Variants in HLCS observed in about 807,000 individuals in gnomAD.
HLCS encodes biotin--protein ligase.
A neutral mutation model predicts 75.0 loss-of-function variants in HLCS; 53 were observed. The observed-to-expected ratio is 0.71, with a 90% CI of 0.57 to 0.89. The LOEUF (loss-of-function observed/expected upper bound fraction) is 0.89. HLCS is among the 40% of genes least tolerant of loss of function. The pLI, the probability that HLCS is intolerant of heterozygous loss-of-function variation, is 0.00. For synonymous variants in HLCS, 431 were observed against 428.6 expected, an observed-to-expected ratio of 1.01 and a Z score of -0.07; for missense variants, 966 against 1,074.0, an observed-to-expected ratio of 0.90 and a Z score of 1.41.
At chr21:36,963,885 A>T (rs556778045) in intron 1 of HLCS, among the ~76,000 whole-genome samples, 1 of 152,378 alleles carries the variant, frequency 6.6e-6, no homozygotes, top group African/African-American at 2.4e-5. Flanking sequence ...TCAATTATAA[A>T]CACACATATT....
Position 36,936,821 on chromosome 21 carries a change from G to A in HLCS, c.1065C>T (p.Asp355=), listed in dbSNP as rs143358508. The A allele has an allele frequency of 2.5e-6, 4 of 1,614,050 alleles. No homozygotes were observed. Among genetic ancestry groups the A allele is most frequent in the East Asian group, 2.2e-5 (1 of 44,898 alleles). Reference sequence around the variant, plus strand: ...ACAGCAGACAGTTGTCCGTCCACGGGTCTCTGAGAGCACTGTCCTCCAGCA... The same window carrying A: ...ACAGCAGACAGTTGTCCGTCCACGGATCTCTGAGAGCACTGTCCTCCAGCA... ...YHLLEDSALR[D]PWTDNCLLLV... is the part of the protein sequence containing the mutation. The change falls in exon 4 of 11, where the codon GAC becomes GAT. Residue 355 remains aspartate, a synonymous_variant. Transcript: ENST00000674895.
chr21:36,824,017 C>T (rs540013051), intron 6 of HLCS, among the ~76,000 whole-genome samples: 14 of 152,230 alleles, frequency 9.2e-5, no homozygotes, highest in African/African-American at 2.2e-4. Context: ...TGGTGGCTCA[C>T]GCCTGTAATC....
intron 5 of HLCS, among the ~76,000 whole-genome samples, chr21:36,922,320 C>A (rs1026249977): frequency 6.6e-6 from 1 of 152,066 alleles, no homozygotes; most frequent in African/African-American, 2.4e-5. Context: ...GTGTATGTTA[C>A]GGAACAGAAA....
intron 6 of HLCS, among the ~76,000 whole-genome samples, chr21:36,830,706 G>A (rs1024687114): frequency 1.3e-5 from 2 of 151,588 alleles, no homozygotes; most frequent in Non-Finnish European, 2.9e-5. Flanking sequence ...GCAGGGCATG[G>A]TGGCACACAT....
intron 6 of HLCS, among the ~76,000 whole-genome samples, chr21:36,834,116 G>A (rs568262080): frequency 7.9e-5 from 12 of 152,328 alleles, no homozygotes; most frequent in East Asian, 7.7e-4. Context: ...ACTTGAGTAC[G>A]CACGGACTTT....
At chr21:36,817,098 A>C (rs2061686341) in intron 6 of HLCS, among the ~76,000 whole-genome samples, 1 of 152,220 alleles carries the variant, frequency 6.6e-6, no homozygotes, top group Non-Finnish European at 1.5e-5. Context: ...ATGAAGATGT[A>C]GACTCGATTA....
rs1471909064 is a variant in HLCS at position 36,938,929 on chromosome 21, A to T, written c.396T>A (p.Ile132=). The T allele has an allele frequency of 1.2e-6, 2 of 1,613,876 alleles. No homozygotes were observed. Among genetic ancestry groups the T allele is most frequent in the South Asian group, 1.1e-5 (1 of 91,086 alleles). ...ACRPGDPYRL[I]AEASVDNFSK... ...TGAAGTTGTCCACACTTGCTTCAGC[A>T]ATTAGCCGATAAGGATCCCCAGGTC... is the stretch of plus-strand genomic sequence containing the variant. The change falls in exon 3 of 11, where the codon ATT becomes ATA. Residue 132 remains isoleucine (I), a synonymous_variant. Transcript: ENST00000674895.
rs75098232 is a variant in HLCS at position 36,783,638 on chromosome 21, G to A, written c.1893-16353C>T. On this transcript the variant is annotated intron_variant, in intron 6 of 10. Coordinates refer to ENST00000674895, the MANE Select transcript of HLCS (RefSeq NM_001352514.2). ...AGTGTGCACCACAAAGTGCCATTAC[G>A]TGCAAGACAGCCACTTAGTGTGTCT... 1.4e-4 allele frequency among the ~76,000 whole-genome samples: 21 copies of A among 152,290 alleles called. No individual in the cohort carries two copies. In the East Asian group the frequency reaches 3.5e-3, roughly 25 times the overall value.
chr21:36,966,728 C>CCGCG (rs2068616162), upstream of HLCS: 17 of 535,566 alleles, frequency 3.2e-5, no homozygotes, highest in Non-Finnish European at 4.0e-5. Context: ...GCCGCGCCGC[C>CCGCG]CCCCCGGGCC....
rs1053875513 is a variant in HLCS, at chr21:36,803,602, C to T, written c.1893-36317G>A. ...CAGGTTTTGGCTGTAAGAAGTATCC[C>T]GCAACTGATTTATTCCTCAATTTCA... On this transcript the variant is annotated intron_variant, in intron 6 of 10. Transcript: ENST00000674895. Among the ~76,000 whole-genome samples, 7 of 152,176 alleles carry T rather than the reference C, an allele frequency of 4.6e-5. No homozygotes were observed. The South Asian group carries it at 6.2e-4, about 14-fold the overall frequency.
At chr21:36,948,884 C>G (rs139570561) in intron 2 of HLCS, among the ~76,000 whole-genome samples, 4 of 151,904 alleles carry the variant, frequency 2.6e-5, no homozygotes, top group Non-Finnish European at 2.9e-5. Flanking sequence ...AGAGGAATTG[C>G]GAAACCATGA....
intron 6 of HLCS, among the ~76,000 whole-genome samples, chr21:36,767,962 C>G (rs1400723547): frequency 6.6e-6 from 1 of 152,022 alleles, no homozygotes; most frequent in Non-Finnish European, 1.5e-5. Flanking sequence ...TACATCCCCA[C>G]CAAATGAGTC....
intron 6 of HLCS, among the ~76,000 whole-genome samples, chr21:36,874,544 T>G (rs1220413691): frequency 1.3e-5 from 2 of 152,254 alleles, no homozygotes; most frequent in African/African-American, 2.4e-5. Context: ...ATTGTCATTT[T>G]ATAGTAAGTC....
chr21:36,946,323 C>A (rs1178433566), intron 2 of HLCS, among the ~76,000 whole-genome samples: 2 of 152,022 alleles, frequency 1.3e-5, no homozygotes, highest in South Asian at 2.1e-4. Flanking sequence ...CTCATTGCAG[C>A]CTCGACTTCC....
intron 5 of HLCS, among the ~76,000 whole-genome samples, chr21:36,909,168 G>A (rs147163139): frequency 6.6e-6 from 1 of 152,284 alleles, no homozygotes; most frequent in Non-Finnish European, 1.5e-5. Flanking sequence ...CTGCACTCCA[G>A]CCTGGGCAAC....
chr21:36,962,793 C>CAAAA (rs386394699), intron 1 of HLCS, among the ~76,000 whole-genome samples: 26,376 of 79,638 alleles, frequency 0.33, 4,165 homozygotes, highest in South Asian at 0.39. Flanking sequence ...GACCCTATCT[C>CAAAA]AAAAAAAAAA....
At chr21:36,973,894 G>A in intron 1 of HLCS, 1 of 152,608 alleles carries the variant, frequency 6.6e-6, no homozygotes, top group Non-Finnish European at 1.5e-5. Context: ...GGGAGGCTGA[G>A]GCAGGAGAAT....
intron 6 of HLCS, among the ~76,000 whole-genome samples, chr21:36,858,881 C>T (rs903240077): frequency 3.3e-5 from 5 of 152,322 alleles, no homozygotes; most frequent in South Asian, 2.1e-4. Flanking sequence ...AAATGCTCCT[C>T]GTGCATCATC....
At chr21:36,764,004 A>G (rs376081543) in intron 8 of HLCS, among the ~76,000 whole-genome samples, 1 of 152,248 alleles carries the variant, frequency 6.6e-6, no homozygotes, top group Non-Finnish European at 1.5e-5. Context: ...AGGAAATGAG[A>G]AAGGTTTTTA....
Sources: allele counts gnomAD v4.1 joint callset (sites outside exome capture counted in the v4.1 genomes callset), GRCh38; gene constraint gnomAD v4.1.1; transcripts MANE v1.5; gene names NCBI Gene and HGNC (gene_info 2026-07-23, HGNC 2026-07-21).